ANK3: variants seen among roughly 807,000 people sequenced by gnomAD.
ANK3 encodes ankyrin 3.
Under a neutral mutation model 370.9 loss-of-function variants are expected in ANK3, and 57 were observed. That is an observed-to-expected ratio of 0.15 (90% CI 0.12 to 0.19). ANK3 has a LOEUF of 0.19. Ranked by LOEUF, ANK3 falls within the 10% of genes least tolerant of loss-of-function variation. The pLI is 1.00. For missense variants in ANK3, 4,439 were observed against 5,302.1 expected (o/e 0.84, Z 5.06); for synonymous variants, 1,929 against 1,946.3 (o/e 0.99, Z 0.23).
intron 2 of ANK3, among the ~76,000 whole-genome samples, chr10:60,425,375 C>A (rs1407461117): frequency 6.6e-6 from 1 of 152,056 alleles, no homozygotes; most frequent in Non-Finnish European, 1.5e-5. Flanking sequence ...AATAAGTATT[C>A]GGAAGAAATA....
At chr10:60,437,748 G>A (rs1367388043) in intron 2 of ANK3, among the ~76,000 whole-genome samples, 1 of 152,142 alleles carries the variant, frequency 6.6e-6, no homozygotes, top group Non-Finnish European at 1.5e-5. Context: ...CTAGAGCAAA[G>A]CACTCACATC....
chr10:60,216,871 T>C (rs2096946333), intron 8 of ANK3, among the ~76,000 whole-genome samples: 1 of 152,190 alleles, frequency 6.6e-6, no homozygotes. Context: ...TCTGATAGAA[T>C]TCAGCTGTAA....
Position 60,074,280 on chromosome 10 carries a change from T to C in ANK3, c.6601A>G (p.Met2201Val). Reference protein sequence around the residue: ...PVSPKPSPTFMELEPKPTTSS... With the variant: ...PVSPKPSPTFVELEPKPTTSS... ...GTGGTGGGCTTTGGTTCCAATTCCA[T>C]AAAAGTAGGTGAAGGTTTAGGTGAC... The change falls in exon 37 of 44, where the codon ATG becomes GTG. Residue 2201 changes from methionine to valine, a missense_variant. Physicochemically the swap from Met to Val is conservative, Grantham distance 21. Coordinates refer to ENST00000280772, the MANE Select transcript of ANK3 (RefSeq NM_020987.5). 1.9e-6 allele frequency: 3 copies of C among 1,614,066 alleles called. No individual in the cohort carries two copies. Among genetic ancestry groups the C allele is most frequent in the South Asian group, 1.1e-5 (1 of 91,072 alleles).
intron 25 of ANK3, among the ~76,000 whole-genome samples, chr10:60,115,199 C>T (rs542079987): frequency 2.0e-5 from 3 of 152,188 alleles, no homozygotes; most frequent in Admixed American, 2.0e-4. Context: ...GATCATACAA[C>T]GATTTTAAAT....
At chr10:60,613,840 G>A (rs936041905) in intron 2 of ANK3, among the ~76,000 whole-genome samples, 2 of 152,086 alleles carry the variant, frequency 1.3e-5, no homozygotes, top group Non-Finnish European at 1.5e-5. Context: ...TTGGGAGGTC[G>A]AAGCAGGCAG....
At chr10:60,391,167 C>G (rs144012002), upstream of ANK3, among the ~76,000 whole-genome samples, 440 of 152,310 alleles carry the variant, frequency 2.9e-3, 2 homozygotes, top group African/African-American at 0.01. Context: ...ATTCCTACTA[C>G]CAATGGACTG....
At chr10:60,608,266 G>A (rs2078154300) in intron 2 of ANK3, among the ~76,000 whole-genome samples, 1 of 152,136 alleles carries the variant, frequency 6.6e-6, no homozygotes, top group Non-Finnish European at 1.5e-5. Context: ...ACCATTTGAA[G>A]TAATTAAATA....
intron 2 of ANK3, among the ~76,000 whole-genome samples, chr10:60,401,998 A>G (rs1464457976): frequency 6.6e-6 from 1 of 152,218 alleles, no homozygotes; most frequent in Non-Finnish European, 1.5e-5. Context: ...TTCTCTGTCC[A>G]AGAATTTTCT....
At chr10:60,053,564 T>C in intron 42 of ANK3, 1 of 757,608 alleles carries the variant, frequency 1.3e-6, no homozygotes, top group Non-Finnish European at 1.8e-6. Flanking sequence ...TTCCTTTTAG[T>C]GAATTATCTA....
intron 1 of ANK3, among the ~76,000 whole-genome samples, chr10:60,708,792 T>C (rs1203989092): frequency 6.6e-6 from 1 of 152,140 alleles, no homozygotes; most frequent in Non-Finnish European, 1.5e-5. Context: ...ATTAAAAGAC[T>C]GAGTGAGACC....
chr10:60,371,061 C>T (rs2060045347), intron 1 of ANK3, among the ~76,000 whole-genome samples: 1 of 152,102 alleles, frequency 6.6e-6, no homozygotes, highest in Non-Finnish European at 1.5e-5. Context: ...TCTCTTCCAA[C>T]CACATTCAGT....
chr10:60,511,230 A>C (rs1439852803), intron 2 of ANK3, among the ~76,000 whole-genome samples: 1 of 152,126 alleles, frequency 6.6e-6, no homozygotes, highest in Non-Finnish European at 1.5e-5. Context: ...TTCTACTCTC[A>C]ATTTGTCAGC....
intron 42 of ANK3, among the ~76,000 whole-genome samples, chr10:60,049,089 AATAATTT>A (rs964401752): frequency 1.3e-5 from 2 of 152,224 alleles, no homozygotes; most frequent in African/African-American, 4.8e-5. Context: ...TGAACAGAAA[AATAATTT>A]ATAAAGTGTT....
At chr10:60,292,357 C>T (rs2041596543) in intron 1 of ANK3, among the ~76,000 whole-genome samples, 1 of 150,716 alleles carries the variant, frequency 6.6e-6, no homozygotes, top group Non-Finnish European at 1.5e-5. Context: ...TAATATCTTG[C>T]TCTGGAAAAA....
chr10:60,037,636 T>C (rs1174322786), intron 43 of ANK3, among the ~76,000 whole-genome samples: 1 of 152,056 alleles, frequency 6.6e-6, no homozygotes, highest in Non-Finnish European at 1.5e-5. Context: ...CTTTTTTTTA[T>C]ACCTGCATAG....
chr10:60,041,119 G>A (rs1218500996), intron 43 of ANK3, among the ~76,000 whole-genome samples: 1 of 152,160 alleles, frequency 6.6e-6, no homozygotes, highest in Non-Finnish European at 1.5e-5. Flanking sequence ...TCACTGCCAA[G>A]CTAGCTTCTG....
chr10:60,445,360 A>G (rs1236001825), intron 2 of ANK3, among the ~76,000 whole-genome samples: 1 of 152,146 alleles, frequency 6.6e-6, no homozygotes, highest in African/African-American at 2.4e-5. Context: ...ACTGCACTCC[A>G]GCTTGGGCAA....
At chr10:60,224,486 A>G (rs2097107732) in intron 8 of ANK3, among the ~76,000 whole-genome samples, 1 of 152,176 alleles carries the variant, frequency 6.6e-6, no homozygotes, top group African/African-American at 2.4e-5. Flanking sequence ...AAAAGCATGA[A>G]GCAGGATGTT....
intron 1 of ANK3, among the ~76,000 whole-genome samples, chr10:60,617,738 C>T (rs2078284470): frequency 6.6e-6 from 1 of 152,028 alleles, no homozygotes; most frequent in Non-Finnish European, 1.5e-5. Flanking sequence ...ACTTCTTTTT[C>T]AAAAAATGTT....
Sources: gnomAD v4.1 joint callset for allele counts (sites outside exome capture counted in the v4.1 genomes callset) on GRCh38, gnomAD v4.1.1 for gene constraint, MANE v1.5 for transcripts, NCBI Gene and HGNC (gene_info 2026-07-23, HGNC 2026-07-21) for gene names.